Variants in RIC3 observed in about 807,000 individuals in gnomAD.
RIC3 encodes the protein protein RIC-3.
In RIC3, 28 loss-of-function variants were observed where a neutral mutation model predicts 27.3. The ratio of observed to expected loss-of-function variants is 1.02; its 90% confidence interval spans 0.76 to 1.41. The LOEUF is 1.41. Ranked by LOEUF, RIC3 falls within the 40% of genes most tolerant of loss-of-function variation. The pLI, the probability that RIC3 is intolerant of heterozygous loss-of-function variation, is 0.00. For synonymous variants in RIC3, 184 were observed against 160.4 expected, an observed-to-expected ratio of 1.15 and a Z score of -1.11; for missense variants, 501 against 444.7, an observed-to-expected ratio of 1.13 and a Z score of -1.14.
At chr11:8,156,386 T>C (rs1950653727) in intron 1 of RIC3, among the ~76,000 whole-genome samples, 1 of 152,226 alleles carries the variant, frequency 6.6e-6, no homozygotes, top group Non-Finnish European at 1.5e-5. Flanking sequence ...AGGGCTCATT[T>C]TCATCATCTG....
In RIC3 at chr11:8,126,813, A is replaced by G; in HGVS notation, c.522-6T>C. 6.2e-7 allele frequency: 1 copy of G among 1,614,004 alleles called. No individual in the cohort carries two copies. The highest frequency in any genetic ancestry group is 8.5e-7 in the Non-Finnish European group (1 of 1,180,008). On this transcript the variant is annotated splice_region_variant and splice_polypyrimidine_tract_variant and intron_variant, in intron 4 of 5. Coordinates refer to ENST00000309737, the MANE Select transcript of RIC3 (RefSeq NM_001206671.4). Reference sequence around the variant, plus strand: ...AAGTCACAGTCTGTGCTCTGCTTAGAAATATCAGACAATCCAACCATTTAG... The same window carrying G: ...AAGTCACAGTCTGTGCTCTGCTTAGGAATATCAGACAATCCAACCATTTAG...
chr11:8,154,490 G>A (rs749696482), intron 1 of RIC3, among the ~76,000 whole-genome samples: 1 of 152,104 alleles, frequency 6.6e-6, no homozygotes, highest in Non-Finnish European at 1.5e-5. Context: ...TATATTATGG[G>A]ATTATATTGG....
chr11:8,167,535 C>G (rs2134418482), intron 1 of RIC3, among the ~76,000 whole-genome samples: 1 of 150,954 alleles, frequency 6.6e-6, no homozygotes, highest in South Asian at 2.1e-4. Flanking sequence ...CTCAAGGGAA[C>G]AACCCATGTC....
At chr11:8,157,932 C>T (rs59649611) in intron 1 of RIC3, among the ~76,000 whole-genome samples, 12,243 of 152,118 alleles carry the variant, frequency 0.08, 564 homozygotes, top group Admixed American at 0.13. Context: ...TTCCATAATA[C>T]ATGAACAGGA....
In RIC3 at chr11:8,108,807, G is replaced by A. The variant is rs1451473641; in HGVS notation, c.*1891C>T. On this transcript the variant is annotated 3_prime_UTR_variant, in exon 6 of 6. Coordinates refer to ENST00000309737, the MANE Select transcript of RIC3 (RefSeq NM_001206671.4). ...GACTGCTAAATGAATGAATGAGCTA[G>A]AAGAGAACAGCAGTATTTATCTCTA... 1 of 152,224 alleles carries A rather than the reference G, an allele frequency of 6.6e-6. No homozygotes were observed. The highest frequency in any genetic ancestry group is 1.9e-4 in the East Asian group (1 of 5,196). The allele number at this position is 152,224 out of a possible 1,614,324, so 9.4% of individuals were successfully genotyped here.
rs149313414 is a variant in RIC3, at chr11:8,140,099, G to T, written c.219C>A (p.Ala73=). The T allele has an allele frequency of 4.3e-6, 7 of 1,613,886 alleles. No homozygotes were observed. Among genetic ancestry groups the T allele is most frequent in the Non-Finnish European group, 5.9e-6 (7 of 1,180,026 alleles). The change falls in exon 2 of 6, where the codon GCC becomes GCA. Residue 73 remains alanine (A), a synonymous_variant. Transcript: ENST00000309737. ...ATCCTTTGGCCTTTGCAAATGCCTC[G>T]GCAAGGTGAGACCTCTGGAAACGAG... The part of the protein sequence containing the change: ...PGARFQRSHL[A]EAFAKAKGSG...
chr11:8,094,225 C>T, the RIC3 span: 6 of 1,576,208 alleles, frequency 3.8e-6, no homozygotes, highest in South Asian at 7.1e-5. Context: ...CCCCAGCAGG[C>T]CTGGCCTCCA....
chr11:8,095,497 G>A, the RIC3 span: 1 of 1,607,260 alleles, frequency 6.2e-7, no homozygotes, highest in Non-Finnish European at 8.5e-7. Flanking sequence ...GTGGCCTGCA[G>A]GCACCAGCGG....
chr11:8,151,860 G>A (rs556108968), intron 1 of RIC3, among the ~76,000 whole-genome samples: 1 of 150,738 alleles, frequency 6.6e-6, no homozygotes, highest in South Asian at 2.1e-4. Flanking sequence ...AGGTTGCGAT[G>A]AGCAGAGATC....
chr11:8,093,396 G>T, the RIC3 span, among the ~76,000 whole-genome samples: 1 of 152,180 alleles, frequency 6.6e-6, no homozygotes, highest in African/African-American at 2.4e-5. Flanking sequence ...AGACCTAGGG[G>T]AAGGGAGAGA....
chr11:8,124,032 G>C (rs538633566), intron 5 of RIC3, among the ~76,000 whole-genome samples: 6 of 149,254 alleles, frequency 4.0e-5, no homozygotes, highest in African/African-American at 1.5e-4. Flanking sequence ...ACGTGCCACT[G>C]TACTCCAGCC....
chr11:8,168,942 G>C lies in RIC3; in HGVS notation c.48C>G (p.Val16=). 1.2e-6 allele frequency: 2 copies of C among 1,610,588 alleles called. No individual in the cohort carries two copies. The highest frequency in any genetic ancestry group is 1.7e-6 in the Non-Finnish European group (2 of 1,178,516). Residue 16 remains valine (V), a synonymous_variant, in exon 1 of 6, where the codon GTC becomes GTG. Coordinates refer to ENST00000309737, the MANE Select transcript of RIC3 (RefSeq NM_001206671.4). ...VQRVALASGL[V]LALSLLLPKA... ...TGGGCAGCAGCAGCGACAGAGCCAG[G>C]ACAAGCCCAGAAGCCAGAGCGACTC...
the RIC3 span, chr11:8,096,737 T>C: frequency 3.1e-6 from 5 of 1,614,020 alleles, no homozygotes; most frequent in East Asian, 8.9e-5. Flanking sequence ...AGGAGGAGAA[T>C]AGCTCCAGCT....
intron 4 of RIC3, among the ~76,000 whole-genome samples, chr11:8,129,307 T>C (rs1947387551): frequency 6.6e-6 from 1 of 152,078 alleles, no homozygotes; most frequent in African/African-American, 2.4e-5. Context: ...CATTTCTCCA[T>C]TCTTATAATC....
intron 1 of RIC3, among the ~76,000 whole-genome samples, chr11:8,166,685 T>A (rs140251597): frequency 6.6e-6 from 1 of 151,990 alleles, no homozygotes; most frequent in Non-Finnish European, 1.5e-5. Flanking sequence ...GCCTGGACAA[T>A]ACAATGAGAC....
At chr11:8,094,017 C>T in the RIC3 span, 3 of 1,614,022 alleles carry the variant, frequency 1.9e-6, no homozygotes, top group East Asian at 6.7e-5. Context: ...CTGTTTCTCT[C>T]TCTCCATCTG....
chr11:8,162,351 G>C (rs1951249188), intron 1 of RIC3, among the ~76,000 whole-genome samples: 1 of 152,178 alleles, frequency 6.6e-6, no homozygotes, highest in South Asian at 2.1e-4. Flanking sequence ...ACAATGACTT[G>C]GTGATGCTCA....
chr11:8,112,105 A>G (rs1945334156), intron 5 of RIC3, among the ~76,000 whole-genome samples: 1 of 152,232 alleles, frequency 6.6e-6, no homozygotes, highest in South Asian at 2.1e-4. Context: ...AGACATTTCT[A>G]CATTTACTGC....
intron 4 of RIC3, among the ~76,000 whole-genome samples, chr11:8,131,082 T>C (rs573893809): frequency 2.7e-5 from 4 of 150,864 alleles, no homozygotes; most frequent in Non-Finnish European, 4.4e-5. Context: ...AGTTATGACC[T>C]GTATCAAAAA....
Sources: gnomAD v4.1 joint callset for allele counts (sites outside exome capture counted in the v4.1 genomes callset) on GRCh38, gnomAD v4.1.1 for gene constraint, MANE v1.5 for transcripts, NCBI Gene and HGNC (gene_info 2026-07-23, HGNC 2026-07-21) for gene names.